Variants in UGP2 observed in about 807,000 individuals in gnomAD.
UGP2 encodes the protein UTP--glucose-1-phosphate uridylyltransferase.
A neutral mutation model predicts 49.0 loss-of-function variants in UGP2; 40 were observed. That is an observed-to-expected ratio of 0.82 (90% CI 0.63 to 1.06). The LOEUF (loss-of-function observed/expected upper bound fraction) is 1.06, where lower values mean the gene tolerates loss of function less well. Among genes scored for constraint, UGP2 ranks in the 50% least tolerant of loss-of-function variants. The pLI, the probability that UGP2 is intolerant of heterozygous loss-of-function variation, is 0.00. For missense variants in UGP2, 460 were observed against 603.5 expected, an observed-to-expected ratio of 0.76 and a Z score of 2.49; for synonymous variants, 225 against 213.0, an observed-to-expected ratio of 1.06 and a Z score of -0.49.
intron 3 of UGP2, among the ~76,000 whole-genome samples, chr2:63,858,518 C>G (rs1267474968): frequency 6.6e-6 from 1 of 151,370 alleles, no homozygotes; most frequent in African/African-American, 2.4e-5. Flanking sequence ...ACATAACATT[C>G]TCACTATAAA....
intron 1 of UGP2, among the ~76,000 whole-genome samples, chr2:63,852,012 C>G (rs757509451): frequency 2.0e-5 from 3 of 152,136 alleles, no homozygotes; most frequent in Non-Finnish European, 1.5e-5. Context: ...ACACCTTTCT[C>G]CAAAGTGCTG....
chr2:63,853,481 C>T (rs1331197838), intron 1 of UGP2, among the ~76,000 whole-genome samples: 1 of 152,084 alleles, frequency 6.6e-6, no homozygotes. Flanking sequence ...GTGCGCTCTC[C>T]AATTCTCTGA....
intron 3 of UGP2, among the ~76,000 whole-genome samples, chr2:63,871,157 G>T (rs1670522661): frequency 6.6e-6 from 1 of 151,948 alleles, no homozygotes; most frequent in East Asian, 1.9e-4. Context: ...TTTTCATCTT[G>T]TAAAACTGAG....
At chr2:63,890,582 G>A (rs934397667) in intron 9 of UGP2, among the ~76,000 whole-genome samples, 1 of 152,006 alleles carries the variant, frequency 6.6e-6, no homozygotes. Flanking sequence ...TCCAAATCAT[G>A]TAATTTTTTA....
chr2:63,847,336 T>G (rs978458359), intron 1 of UGP2, among the ~76,000 whole-genome samples: 16 of 152,336 alleles, frequency 1.1e-4, no homozygotes, highest in Admixed American at 3.3e-4. Context: ...TATAGCAAGT[T>G]TAATTAAAAT....
At chr2:63,886,297 C>CT (rs779859355) in intron 6 of UGP2, 44 bp from the exon 7 acceptor site, 2 of 1,583,170 alleles carry the variant, frequency 1.3e-6, no homozygotes, top group South Asian at 2.2e-5. Context: ...AAAAAATGCA[C>CT]TTGAGACTGA....
intron 1 of UGP2, chr2:63,846,184 A>C (rs1671919579): frequency 1.3e-5 from 2 of 152,132 alleles, no homozygotes; most frequent in African/African-American, 4.8e-5. Context: ...TGTGAGTACC[A>C]TCTCTTCCCT....
intron 1 of UGP2, among the ~76,000 whole-genome samples, chr2:63,843,080 T>C (rs1020084596): frequency 3.3e-5 from 5 of 152,150 alleles, no homozygotes; most frequent in South Asian, 2.1e-4. Context: ...CAAACACTTA[T>C]TATGCTTCCT....
intron 3 of UGP2, among the ~76,000 whole-genome samples, chr2:63,860,297 T>A (rs75974561): frequency 0.034 from 5,245 of 152,334 alleles, 222 homozygotes; most frequent in African/African-American, 0.1. Context: ...AGTTGACAAT[T>A]AGCAGAGTCA....
At chr2:63,882,683 C>A (rs765645292) in intron 4 of UGP2, 32 bp downstream of exon 4, 1 of 1,455,404 alleles carries the variant, frequency 6.9e-7, no homozygotes, top group East Asian at 2.4e-5. Context: ...TCATGAGATA[C>A]TAAAATAGTT....
At chr2:63,856,739 G>A (rs558079866) in intron 2 of UGP2, 20 of 480,326 alleles carry the variant, frequency 4.2e-5, no homozygotes, top group African/African-American at 2.3e-4. Flanking sequence ...CCTGTGTTCA[G>A]TTGTAATTGA....
chr2:63,848,921 C>G (rs1291456463), intron 1 of UGP2, among the ~76,000 whole-genome samples: 1 of 152,164 alleles, frequency 6.6e-6, no homozygotes, highest in Non-Finnish European at 1.5e-5. Context: ...GCCAACAGTT[C>G]CGTTGTTTAT....
At chr2:63,867,380 C>G (rs560157432) in intron 3 of UGP2, among the ~76,000 whole-genome samples, 1 of 152,224 alleles carries the variant, frequency 6.6e-6, no homozygotes, top group African/African-American at 2.4e-5. Context: ...GTGTCGGTTT[C>G]CTTACTCATA....
chr2:63,861,689 A>AC (rs1669859110), intron 3 of UGP2, among the ~76,000 whole-genome samples: 1 of 148,330 alleles, frequency 6.7e-6, no homozygotes, highest in Admixed American at 6.7e-5. Context: ...TCCTGTCTCA[A>AC]AAAAAAAAAA....
At chr2:63,869,639 T>G (rs1670415073) in intron 3 of UGP2, among the ~76,000 whole-genome samples, 2 of 152,186 alleles carry the variant, frequency 1.3e-5, no homozygotes, top group Admixed American at 1.3e-4. Flanking sequence ...GGTTTTTGCT[T>G]AGAGTTTTAC....
chr2:63,863,297 A>T (rs1292705728), intron 3 of UGP2, among the ~76,000 whole-genome samples: 1 of 152,178 alleles, frequency 6.6e-6, no homozygotes, highest in Non-Finnish European at 1.5e-5. Context: ...GGTACCATCT[A>T]CTTTGTAGGA....
At chr2:63,886,638 T>A in intron 7 of UGP2, 100 bp downstream of exon 7, 2 of 1,341,878 alleles carry the variant, frequency 1.5e-6, no homozygotes, top group Non-Finnish European at 1.0e-6. Flanking sequence ...ATCTATTCCA[T>A]TGGTCACTCC....
intron 3 of UGP2, among the ~76,000 whole-genome samples, chr2:63,877,028 C>T (rs2096860878): frequency 6.6e-6 from 1 of 152,228 alleles, no homozygotes; most frequent in African/African-American, 2.4e-5. Flanking sequence ...ATATCACCAT[C>T]ATAGAATAAG....
At chr2:63,870,865 G>A (rs1670502194) in intron 3 of UGP2, among the ~76,000 whole-genome samples, 1 of 152,148 alleles carries the variant, frequency 6.6e-6, no homozygotes, top group Non-Finnish European at 1.5e-5. Flanking sequence ...TGCTGTGATA[G>A]GAGGCGGTAG....
Sources: allele counts gnomAD v4.1 joint callset (sites outside exome capture counted in the v4.1 genomes callset), GRCh38; gene constraint gnomAD v4.1.1; transcripts MANE v1.5; gene names NCBI Gene and HGNC (gene_info 2026-07-23, HGNC 2026-07-21).